OBI1: variants seen among roughly 807,000 people sequenced by gnomAD.
OBI1 encodes the protein ORC ubiquitin ligase 1.
A neutral mutation model predicts 62.4 loss-of-function variants in OBI1; 59 were observed. The ratio of observed to expected loss-of-function variants is 0.95; its 90% CI spans 0.77 to 1.17. The LOEUF is 1.17. Among genes scored for constraint, OBI1 ranks in the 50% most tolerant of loss-of-function variants. The probability of loss-of-function intolerance (pLI) is 0.00; values close to 1 mark genes in which losing one functional copy is unlikely to be tolerated. For synonymous variants in OBI1, 302 were observed against 292.8 expected (o/e 1.03, Z -0.32); for missense variants, 875 against 830.9 (o/e 1.05, Z -0.65).
Position 78,615,661 on chromosome 13 carries a change from A to T in OBI1, c.2100T>A (p.Asn700Lys). ...WSTSFVPEKR[N>K]KNVNQSTKRK... ...TTTTTGTTGATTGATTCACATTTTT[A>T]TTCCTCTTTTCAGGCACAAAGGAAG... Residue 700 changes from asparagine (N) to lysine (K), a missense_variant, in exon 6 of 6, where the codon AAT (asparagine) becomes AAA (lysine). Transcript: ENST00000282003. The T allele has an allele frequency of 6.2e-7, 1 of 1,613,984 alleles. No homozygotes were observed. The highest frequency in any genetic ancestry group is 1.1e-5 in the South Asian group (1 of 91,070).
chr13:78,639,508 C>T (rs1031569477), intron 3 of OBI1, among the ~76,000 whole-genome samples: 11 of 151,322 alleles, frequency 7.3e-5, no homozygotes, highest in African/African-American at 2.7e-4. Context: ...ACCCAAAGGA[C>T]TATAAATCAT....
At chr13:78,617,866 A>G (rs1342466598) in intron 5 of OBI1, among the ~76,000 whole-genome samples, 11 of 152,174 alleles carry the variant, frequency 7.2e-5, no homozygotes, top group African/African-American at 2.4e-4. Flanking sequence ...CACTTTCTGA[A>G]AGAGAACATT....
At position 78,627,709 on chromosome 13, in the gene OBI1, C is replaced by T. The variant is rs528937721; in HGVS notation, c.638+7401G>A. Reference sequence around the variant, plus strand: ...CATCTGGGTTGGTTCCATGTCTTTGCTATTGTAAATAGTTCTGCAATAAAC... The same window carrying T: ...CATCTGGGTTGGTTCCATGTCTTTGTTATTGTAAATAGTTCTGCAATAAAC... On this transcript the variant is annotated intron_variant, in intron 5 of 5. Coordinates refer to ENST00000282003, the MANE Select transcript of OBI1 (RefSeq NM_024546.4). Among the ~76,000 whole-genome samples the T allele has an allele frequency of 3.3e-5, 5 of 152,174 alleles. No individual in the cohort carries two copies. In the South Asian group the frequency reaches 8.3e-4, roughly 25 times the overall value.
intron 1 of OBI1, among the ~76,000 whole-genome samples, chr13:78,656,323 C>T (rs1328070763): frequency 1.3e-5 from 2 of 152,030 alleles, no homozygotes; most frequent in Non-Finnish European, 2.9e-5. Context: ...GTGGCTCACG[C>T]TTGTAATCCC....
At chr13:78,624,679 C>T (rs1875611223) in intron 5 of OBI1, among the ~76,000 whole-genome samples, 1 of 152,134 alleles carries the variant, frequency 6.6e-6, no homozygotes, top group South Asian at 2.1e-4. Flanking sequence ...TGTTGAACAG[C>T]ATATGTGAAC....
At chr13:78,647,811 G>A (rs1251672395) in intron 1 of OBI1, among the ~76,000 whole-genome samples, 5 of 135,496 alleles carry the variant, frequency 3.7e-5, no homozygotes, top group African/African-American at 1.1e-4. Flanking sequence ...AATCATTTGA[G>A]TCTCGTTACA....
intron 4 of OBI1, 33 bp from the exon 5 acceptor site, chr13:78,635,231 A>C (rs762036447): frequency 7.6e-7 from 1 of 1,310,680 alleles, no homozygotes; most frequent in Non-Finnish European, 1.1e-6. Context: ...AGTAAGCAAA[A>C]GCTACAATAA....
chr13:78,643,788 CA>C (rs907536804), intron 2 of OBI1, among the ~76,000 whole-genome samples: 77 of 142,876 alleles, frequency 5.4e-4, no homozygotes, highest in Admixed American at 7.0e-4. Flanking sequence ...AACTCTGTCT[CA>C]AAAAAAAAAA....
rs541000531 is a variant in OBI1 at position 78,641,833 on chromosome 13, T to TAA, written c.300+287_300+288dup. Among the ~76,000 whole-genome samples the TAA allele has an allele frequency of 8.3e-3, 1,103 of 132,260 alleles. 9 individuals are homozygous for TAA. Among genetic ancestry groups the TAA allele is most frequent in the South Asian group, 0.037 (154 of 4,178 alleles). 86.8% of individuals were successfully genotyped at this position (132,260 alleles called of 152,430 possible). On this transcript the variant is annotated intron_variant, in intron 3 of 5. Transcript: ENST00000282003. The stretch of plus-strand genomic sequence containing the variant: ...GTCTGTGGAGGTACAAATTTTAACT[T>TAA]AAAAAAAAAAAAAAAAGAAAGAAAT...
At chr13:78,629,573 T>A (rs1875784415) in intron 5 of OBI1, among the ~76,000 whole-genome samples, 1 of 152,206 alleles carries the variant, frequency 6.6e-6, no homozygotes, top group East Asian at 1.9e-4. Flanking sequence ...TCTCTTCAAG[T>A]TAAAAAAGTC....
At chr13:78,651,968 A>C (rs1876558593) in intron 1 of OBI1, among the ~76,000 whole-genome samples, 1 of 152,206 alleles carries the variant, frequency 6.6e-6, no homozygotes, top group South Asian at 2.1e-4. Context: ...TAAAAAAGCA[A>C]AAGTTTAACC....
Position 78,626,456 on chromosome 13 carries a change from A to G in OBI1, c.638+8654T>C, listed in dbSNP as rs141699477. Among the ~76,000 whole-genome samples, 387 of 152,320 alleles carry G rather than the reference A, an allele frequency of 2.5e-3. 4 individuals are homozygous for G. The highest frequency in any genetic ancestry group is 0.011 in the Admixed American group (169 of 15,302). Reference sequence around the variant, plus strand: ...GTCATGGAAATGATCAACATACAACACGATCATTAAAACAACAGGGTAGAA... The same window carrying G: ...GTCATGGAAATGATCAACATACAACGCGATCATTAAAACAACAGGGTAGAA... On this transcript the variant is annotated intron_variant, in intron 5 of 5. Transcript: ENST00000282003.
At chr13:78,649,692 C>A (rs1566286722) in intron 1 of OBI1, among the ~76,000 whole-genome samples, 1 of 152,134 alleles carries the variant, frequency 6.6e-6, no homozygotes, top group East Asian at 1.9e-4. Context: ...GGTATTACAG[C>A]GATAGGCAAC....
intron 4 of OBI1, 63 bp from the exon 5 acceptor site, chr13:78,635,261 C>G (rs1482287618): frequency 5.4e-6 from 5 of 926,150 alleles, no homozygotes; most frequent in Non-Finnish European, 8.7e-6. Context: ...GTAAAAATTA[C>G]AACATGAGCC....
chr13:78,635,745 T>C (rs1185025866), intron 4 of OBI1, among the ~76,000 whole-genome samples: 2 of 152,178 alleles, frequency 1.3e-5, no homozygotes, highest in African/African-American at 4.8e-5. Flanking sequence ...TGGATCTATC[T>C]ATCTATCTAT....
intron 5 of OBI1, among the ~76,000 whole-genome samples, chr13:78,625,271 TA>T (rs1566277300): frequency 6.6e-6 from 1 of 152,226 alleles, no homozygotes; most frequent in Non-Finnish European, 1.5e-5. Context: ...CTCAATACTG[TA>T]AAAGAGTGCA....
At chr13:78,621,960 G>T (rs1295444318) in intron 5 of OBI1, among the ~76,000 whole-genome samples, 4 of 152,112 alleles carry the variant, frequency 2.6e-5, no homozygotes, top group African/African-American at 9.7e-5. Flanking sequence ...TTATTCTCCA[G>T]AAGTTTTTCA....
At chr13:78,644,279 C>T (rs889944529) in intron 2 of OBI1, among the ~76,000 whole-genome samples, 7 of 152,178 alleles carry the variant, frequency 4.6e-5, no homozygotes, top group Non-Finnish European at 8.8e-5. Context: ...CTTCTTAGTC[C>T]TAGAGCAAGT....
intron 5 of OBI1, among the ~76,000 whole-genome samples, chr13:78,629,508 A>G (rs1237436493): frequency 2.0e-5 from 3 of 152,134 alleles, no homozygotes; most frequent in Non-Finnish European, 4.4e-5. Flanking sequence ...AACTGAACAG[A>G]GACATGGAGA....
Sources: gnomAD v4.1 joint callset for allele counts (sites outside exome capture counted in the v4.1 genomes callset) on GRCh38, gnomAD v4.1.1 for gene constraint, MANE v1.5 for transcripts, NCBI Gene and HGNC (gene_info 2026-07-23, HGNC 2026-07-21) for gene names.